CDH23: variants seen among roughly 807,000 people sequenced by gnomAD.
CDH23 encodes cadherin related 23.
A neutral mutation model predicts 317.1 loss-of-function variants in CDH23; 189 were observed. The ratio of observed to expected loss-of-function variants is 0.60; its 90% CI spans 0.53 to 0.67. The LOEUF (loss-of-function observed/expected upper bound fraction) is 0.67. Among genes scored for constraint, CDH23 ranks in the 30% least tolerant of loss-of-function variants. The pLI, the probability that CDH23 is intolerant of heterozygous loss-of-function variation, is 0.00. For synonymous variants in CDH23, 1,839 were observed against 1,876.8 expected, an observed-to-expected ratio of 0.98 and a Z score of 0.52; for missense variants, 4,401 against 4,592.4, an observed-to-expected ratio of 0.96 and a Z score of 1.20.
intron 6 of CDH23, among the ~76,000 whole-genome samples, chr10:71,549,883 G>A (rs908362014): frequency 2.0e-5 from 3 of 152,154 alleles, no homozygotes; most frequent in African/African-American, 7.2e-5. Context: ...GGTCGGGGAG[G>A]TTCCTTTCTT....
chr10:71,812,428 T>G, intron 66 of CDH23, 52 bp from the exon 67 acceptor site: 2 of 1,611,144 alleles, frequency 1.2e-6, no homozygotes, highest in South Asian at 2.2e-5. Context: ...GAAGGGCACC[T>G]GTCTACTCGA....
intron 3 of CDH23, among the ~76,000 whole-genome samples, chr10:71,461,135 G>T (rs1394045283): frequency 2.0e-5 from 3 of 152,222 alleles, no homozygotes; most frequent in Admixed American, 6.5e-5. Context: ...ATCAGCCACT[G>T]CTCCCTCCAC....
At chr10:71,529,601 T>C (rs1855242011) in intron 6 of CDH23, among the ~76,000 whole-genome samples, 1 of 152,188 alleles carries the variant, frequency 6.6e-6, no homozygotes. Context: ...GGCATGTTTC[T>C]GCATATCCCT....
At chr10:71,587,831 A>G (rs1230601886) in intron 9 of CDH23, among the ~76,000 whole-genome samples, 2 of 152,240 alleles carry the variant, frequency 1.3e-5, no homozygotes, top group Non-Finnish European at 2.9e-5. Flanking sequence ...GCTAATCTGA[A>G]ATAAAAGTTT....
chr10:71,407,757 A>G (rs1225510113), intron 1 of CDH23, among the ~76,000 whole-genome samples: 2 of 152,174 alleles, frequency 1.3e-5, no homozygotes, highest in African/African-American at 4.8e-5. Context: ...ATGGGTGGTA[A>G]TCATGAGGCA....
chr10:71,551,818 C>G (rs1435789733), intron 6 of CDH23, among the ~76,000 whole-genome samples: 1 of 152,184 alleles, frequency 6.6e-6, no homozygotes, highest in African/African-American at 2.4e-5. Flanking sequence ...GAATTGGACC[C>G]TCTGCCCTGT....
intron 1 of CDH23, among the ~76,000 whole-genome samples, chr10:71,411,170 C>T (rs947471579): frequency 2.4e-4 from 37 of 151,994 alleles, no homozygotes; most frequent in Admixed American, 4.6e-4. Flanking sequence ...CCATAAAAGC[C>T]CTGCTGAGAT....
intron 24 of CDH23, 120 bp downstream of exon 24, chr10:71,702,814 C>A: frequency 8.7e-7 from 1 of 1,146,556 alleles, no homozygotes. Context: ...TCTTGAAGGA[C>A]AGAGGCTCTG....
chr10:71,437,528 T>C (rs762655893), intron 1 of CDH23, among the ~76,000 whole-genome samples: 9 of 152,238 alleles, frequency 5.9e-5, no homozygotes, highest in Non-Finnish European at 1.3e-4. Flanking sequence ...TTCTTGTATG[T>C]AGAGGGTAAC....
At chr10:71,438,347 C>CAAAAAA (rs10596696) in intron 1 of CDH23, among the ~76,000 whole-genome samples, 136 of 98,264 alleles carry the variant, frequency 1.4e-3, no homozygotes, top group Non-Finnish European at 1.8e-3. Context: ...CTGTCTCAAA[C>CAAAAAA]AAAAAAAAAA....
In CDH23 at chr10:71,806,124, C is replaced by A. The variant is rs1367366150; in HGVS notation, c.8065-44C>A. On this transcript the variant is annotated intron_variant, in intron 56 of 69. Transcript: ENST00000224721. ...CCACCGGGAAGTCCCCAAGCCAATC[C>A]CCTCTCCCAGTCTTTTCCTCTGACT... is the stretch of plus-strand genomic sequence containing the variant. The A allele has an allele frequency of 2.6e-6, 4 of 1,537,990 alleles. No homozygotes were observed. In the Admixed American group the frequency reaches 7.8e-5, roughly 30 times the overall value.
In CDH23 at chr10:71,398,290, C is replaced by T. The variant is rs567032401; in HGVS notation, c.-6+972C>T. On this transcript the variant is annotated intron_variant, in intron 1 of 69. Coordinates refer to ENST00000224721, the MANE Select transcript of CDH23 (RefSeq NM_022124.6). ...TACTCCCCCATCCTCCCTAGTAATTCAGAAAGCAGAGCCTTCTTTTTCTAC... is the reference window on the plus strand; with the variant it reads ...TACTCCCCCATCCTCCCTAGTAATTTAGAAAGCAGAGCCTTCTTTTTCTAC... Among the ~76,000 whole-genome samples the T allele has an allele frequency of 1.4e-3, 207 of 152,344 alleles. 2 individuals carry two copies. The highest frequency in any genetic ancestry group is 2.0e-3 in the Admixed American group (31 of 15,308).
At chr10:71,617,475 C>A in intron 11 of CDH23, 82 bp downstream of exon 11, 1 of 1,544,148 alleles carries the variant, frequency 6.5e-7, no homozygotes, top group Non-Finnish European at 8.7e-7. Flanking sequence ...AGGTCCTCAG[C>A]TATAAAATAG....
In CDH23 at chr10:71,812,529, G is replaced by A. The variant is rs779358121; in HGVS notation, c.9430G>A (p.Ala3144Thr). ...CTTCTGTCGGAACCTGGAGCTGGCCGCCCAGGCGGAGCATGAGGATGACCT... is the reference window on the plus strand; with the variant it reads ...CTTCTGTCGGAACCTGGAGCTGGCCACCCAGGCGGAGCATGAGGATGACCT... Reference protein sequence around the residue: ...DPFCRNLELAAQAEHEDDLPE... With the variant: ...DPFCRNLELATQAEHEDDLPE... The change falls in exon 67 of 70, where the codon GCC (alanine) becomes ACC (threonine). Residue 3144 changes from alanine to threonine, a missense_variant. Physicochemically the swap from Ala to Thr is moderately conservative, Grantham distance 58. Coordinates refer to ENST00000224721, the MANE Select transcript of CDH23 (RefSeq NM_022124.6). The A allele has an allele frequency of 1.7e-5, 26 of 1,491,880 alleles. No homozygotes were observed. The highest frequency in any genetic ancestry group is 3.7e-4 in the Middle Eastern group (2 of 5,424). 92.4% of individuals were successfully genotyped at this position (1,491,880 alleles called of 1,614,324 possible).
At chr10:71,598,432 C>T (rs1860001027) in intron 9 of CDH23, among the ~76,000 whole-genome samples, 1 of 152,236 alleles carries the variant, frequency 6.6e-6, no homozygotes, top group Non-Finnish European at 1.5e-5. Context: ...GGACCCTTTG[C>T]TCCGGGCCCT....
intron 38 of CDH23, among the ~76,000 whole-genome samples, chr10:71,752,750 G>A (rs563401806): frequency 6.6e-6 from 1 of 152,296 alleles, no homozygotes; most frequent in African/African-American, 2.4e-5. Context: ...GAGACCCGAA[G>A]GTGGGTGCAT....
At chr10:71,783,133 A>G (rs1841001812) in intron 41 of CDH23, among the ~76,000 whole-genome samples, 2 of 152,092 alleles carry the variant, frequency 1.3e-5, no homozygotes, top group Admixed American at 1.3e-4. Flanking sequence ...GAGGTAACTA[A>G]CCTTCTCTCC....
At chr10:71,803,136 G>C (rs947408370) in intron 54 of CDH23, 61 bp downstream of exon 54, 4 of 1,599,640 alleles carry the variant, frequency 2.5e-6, no homozygotes, top group Non-Finnish European at 3.4e-6. Context: ...AGGCCTGCCA[G>C]CCCAGGCCAG....
intron 22 of CDH23, among the ~76,000 whole-genome samples, chr10:71,697,204 G>T (rs544237754): frequency 6.6e-6 from 1 of 152,200 alleles, no homozygotes; most frequent in Admixed American, 6.5e-5. Context: ...TGGTCCCCCC[G>T]CCCTTCACCA....
Sources: gnomAD v4.1 joint callset for allele counts (sites outside exome capture counted in the v4.1 genomes callset) on GRCh38, gnomAD v4.1.1 for gene constraint, MANE v1.5 for transcripts, NCBI Gene and HGNC (gene_info 2026-07-23, HGNC 2026-07-21) for gene names.